DOCK3: variants seen among roughly 807,000 people sequenced by gnomAD.
DOCK3 encodes dedicator of cytokinesis 3, also known as dedicator of cytokinesis protein 3.
DOCK3 carries 60 observed loss-of-function variants against 265.6 expected under a neutral mutation model. That is an observed-to-expected ratio of 0.23 (90% confidence interval 0.18 to 0.28). The LOEUF (loss-of-function observed/expected upper bound fraction) is 0.28. Among genes scored for constraint, DOCK3 ranks in the 10% least tolerant of loss-of-function variants. The pLI, the probability that DOCK3 is intolerant of heterozygous loss-of-function variation, is 1.00. For missense variants in DOCK3, 1,981 were observed against 2,594.3 expected (o/e 0.76, Z 5.14); for synonymous variants, 881 against 938.0 (o/e 0.94, Z 1.11).
At chr3:51,184,343 A>C (rs2087474660) in intron 12 of DOCK3, among the ~76,000 whole-genome samples, 1 of 151,846 alleles carries the variant, frequency 6.6e-6, no homozygotes, top group African/African-American at 2.4e-5. Flanking sequence ...AAGAAAAAAA[A>C]CCAGGGCTCT....
At chr3:51,244,105 G>A (rs1345234580) in intron 21 of DOCK3, among the ~76,000 whole-genome samples, 1 of 152,110 alleles carries the variant, frequency 6.6e-6, no homozygotes, top group Admixed American at 6.5e-5. Flanking sequence ...TTTGATTGCT[G>A]TAGCTTTGTG....
chr3:51,248,001 C>T (rs1003789630), intron 22 of DOCK3, among the ~76,000 whole-genome samples: 12 of 152,178 alleles, frequency 7.9e-5, no homozygotes, highest in African/African-American at 1.4e-4. Flanking sequence ...GAGAAGGCAG[C>T]GCAGAAGTTG....
chr3:50,887,360 G>T (rs1469236606), intron 3 of DOCK3, among the ~76,000 whole-genome samples: 2 of 141,114 alleles, frequency 1.4e-5, no homozygotes, highest in South Asian at 4.9e-4. Context: ...CTGAAATGGA[G>T]ACAGTAATTA....
At chr3:50,692,111 C>G (rs1245320296) in intron 1 of DOCK3, among the ~76,000 whole-genome samples, 1 of 151,976 alleles carries the variant, frequency 6.6e-6, no homozygotes, top group Non-Finnish European at 1.5e-5. Context: ...AGGTAATAGT[C>G]TTGCTATGTT....
At chr3:50,749,651 A>G (rs2039662591) in intron 1 of DOCK3, among the ~76,000 whole-genome samples, 1 of 152,190 alleles carries the variant, frequency 6.6e-6, no homozygotes, top group African/African-American at 2.4e-5. Flanking sequence ...GAAAAATCCC[A>G]TCATAGAGAC....
chr3:51,205,077 T>C (rs952654877), intron 12 of DOCK3, among the ~76,000 whole-genome samples: 6 of 152,136 alleles, frequency 3.9e-5, no homozygotes, highest in African/African-American at 1.4e-4. Context: ...GATGACGAGT[T>C]AGTGGGTGCA....
At chr3:50,777,569 G>A (rs983991804) in intron 1 of DOCK3, among the ~76,000 whole-genome samples, 1 of 152,048 alleles carries the variant, frequency 6.6e-6, no homozygotes, top group Admixed American at 6.6e-5. Flanking sequence ...CCATTTGTTT[G>A]TGTCATCTGT....
At chr3:51,215,228 C>T (rs2089717021) in intron 14 of DOCK3, among the ~76,000 whole-genome samples, 1 of 152,172 alleles carries the variant, frequency 6.6e-6, no homozygotes, top group African/African-American at 2.4e-5. Context: ...TTGCCTCAGC[C>T]TCCCGAGTAG....
chr3:51,016,555 A>AT (rs2079262118), intron 5 of DOCK3, among the ~76,000 whole-genome samples: 2 of 1,854 alleles, frequency 1.1e-3, no homozygotes, highest in Admixed American at 7.6e-3. Flanking sequence ...ATTTATATAT[A>AT]TCATATATTA....
At chr3:51,118,994 G>A (rs1272086579) in intron 9 of DOCK3, among the ~76,000 whole-genome samples, 1 of 152,106 alleles carries the variant, frequency 6.6e-6, no homozygotes, top group African/African-American at 2.4e-5. Flanking sequence ...GTATTGTTAT[G>A]TGTTAATTTG....
At chr3:51,238,617 AC>A (rs1008934922) in intron 21 of DOCK3, among the ~76,000 whole-genome samples, 1 of 150,818 alleles carries the variant, frequency 6.6e-6, no homozygotes, top group Non-Finnish European at 1.5e-5. Context: ...CCTACCCTCT[AC>A]CCTCCGATAG....
intron 5 of DOCK3, among the ~76,000 whole-genome samples, chr3:51,062,528 C>T (rs774878804): frequency 6.6e-6 from 1 of 152,152 alleles, no homozygotes; most frequent in Non-Finnish European, 1.5e-5. Flanking sequence ...TCCCCAGTGC[C>T]CCAGCCAGCC....
intron 1 of DOCK3, among the ~76,000 whole-genome samples, chr3:50,726,651 C>G (rs2037849850): frequency 6.6e-6 from 1 of 152,054 alleles, no homozygotes; most frequent in South Asian, 2.1e-4. Context: ...GGAAATTTGT[C>G]AAATTGCAAG....
rs542575344 is a variant in DOCK3 at position 51,090,323 on chromosome 3, A to G, written c.685A>G (p.Ile229Val). The G allele has an allele frequency of 7.5e-6, 12 of 1,604,664 alleles. No homozygotes were observed. Among genetic ancestry groups the G allele is most frequent in the Non-Finnish European group, 9.4e-6 (11 of 1,175,424 alleles). Residue 229 changes from isoleucine (I) to valine (V), a missense_variant, in exon 9 of 53, where the codon ATT becomes GTT. By Grantham distance (29) the Ile-to-Val change is conservative (BLOSUM62 3). Coordinates refer to ENST00000266037, the MANE Select transcript of DOCK3 (RefSeq NM_004947.5). Reference sequence around the variant, plus strand: ...CCTGAAGAGTTTCACTTACAATACTATTGGGGAAGATACCGATGTCTTCTT... The same window carrying G: ...CCTGAAGAGTTTCACTTACAATACTGTTGGGGAAGATACCGATGTCTTCTT... The part of the protein sequence containing the change: ...LSLKSFTYNT[I>V]GEDTDVFFSL...
intron 5 of DOCK3, among the ~76,000 whole-genome samples, chr3:50,990,352 A>G (rs2078061509): frequency 6.6e-6 from 1 of 152,156 alleles, no homozygotes; most frequent in Non-Finnish European, 1.5e-5. Flanking sequence ...CACATCACGT[A>G]ACTGTCAGAT....
At chr3:50,981,938 C>A (rs952344031) in intron 5 of DOCK3, among the ~76,000 whole-genome samples, 1 of 152,138 alleles carries the variant, frequency 6.6e-6, no homozygotes, top group Non-Finnish European at 1.5e-5. Context: ...CAACCTCTGC[C>A]TTCTGGATTC....
At chr3:51,250,838 C>T (rs1237270278) in intron 22 of DOCK3, among the ~76,000 whole-genome samples, 1 of 152,002 alleles carries the variant, frequency 6.6e-6, no homozygotes, top group Non-Finnish European at 1.5e-5. Context: ...TGGGAAAGGG[C>T]TTGGGTTTTG....
chr3:51,239,421 G>A (rs575319040), intron 21 of DOCK3, among the ~76,000 whole-genome samples: 1 of 151,948 alleles, frequency 6.6e-6, no homozygotes, highest in South Asian at 2.1e-4. Flanking sequence ...TGTTGGCCAG[G>A]CTGGTCTCCA....
rs575397782 is a variant in DOCK3 at position 50,849,572 on chromosome 3, A to G, written c.162+7857A>G. ...TAGGCCTTAGTGATCTCCCACCTCA[A>G]CGTCCTGAGTAGCTGGGACTACAGG... On this transcript the variant is annotated intron_variant, in intron 3 of 52. Coordinates refer to ENST00000266037, the MANE Select transcript of DOCK3 (RefSeq NM_004947.5). Among the ~76,000 whole-genome samples the G allele has an allele frequency of 2.0e-5, 3 of 149,460 alleles. No individual in the cohort carries two copies. In the East Asian group the frequency reaches 6.1e-4, roughly 30 times the overall value.
Sources: allele counts gnomAD v4.1 joint callset (sites outside exome capture counted in the v4.1 genomes callset), GRCh38; gene constraint gnomAD v4.1.1; transcripts MANE v1.5; gene names NCBI Gene and HGNC (gene_info 2026-07-23, HGNC 2026-07-21).